The following YARS1 variants were observed in gnomAD, a reference collection of about 807,000 sequenced individuals.
YARS1 encodes tyrosyl-tRNA synthetase 1, also known as tyrosine--tRNA ligase, cytoplasmic.
Under a neutral mutation model 62.2 loss-of-function variants are expected in YARS1, and 36 were observed. That is an observed-to-expected ratio of 0.58 (90% CI 0.44 to 0.76). The LOEUF is 0.76. YARS1 is among the 30% of genes least tolerant of loss of function. YARS1 has a pLI of 0.00. For missense variants in YARS1, 524 were observed against 639.8 expected, an observed-to-expected ratio of 0.82 and a Z score of 1.95; for synonymous variants, 234 against 244.9, an observed-to-expected ratio of 0.96 and a Z score of 0.42.
At chr1:32,808,829 C>T (rs1237134213) in intron 3 of YARS1, among the ~76,000 whole-genome samples, 2 of 152,194 alleles carry the variant, frequency 1.3e-5, no homozygotes, top group African/African-American at 2.4e-5. Context: ...TGCTTTGTTT[C>T]AGCTATCGCC....
intron 5 of YARS1, among the ~76,000 whole-genome samples, chr1:32,797,228 C>T (rs1160614568): frequency 2.0e-5 from 3 of 149,854 alleles, no homozygotes; most frequent in South Asian, 2.1e-4. Context: ...TAAAACTACC[C>T]GGGTGTTGTG....
intron 8 of YARS1, among the ~76,000 whole-genome samples, chr1:32,784,761 C>T (rs1653166820): frequency 6.6e-6 from 1 of 152,036 alleles, no homozygotes; most frequent in Non-Finnish European, 1.5e-5. Context: ...TTAAAAAACA[C>T]ATATAGATAT....
intron 3 of YARS1, 143 bp from the exon 4 acceptor site, chr1:32,806,754 T>C (rs1638475518): frequency 8.9e-7 from 1 of 1,117,394 alleles, no homozygotes; most frequent in African/African-American, 1.6e-5. Flanking sequence ...AATCACCAAC[T>C]TTCTTCTTCT....
rs1245224863 is a variant in YARS1 at position 32,782,547 on chromosome 1, A to T, written c.907-8T>A. The T allele has an allele frequency of 6.2e-7, 1 of 1,614,140 alleles. No individual in the cohort carries two copies. The highest frequency in any genetic ancestry group is 8.5e-7 in the Non-Finnish European group (1 of 1,180,026). Reference sequence around the variant, plus strand: ...GTCTCCAGGATGTACAACCTGCAGAATCGAACAAGACCTAGTGAGATAAAG... The same window carrying T: ...GTCTCCAGGATGTACAACCTGCAGATTCGAACAAGACCTAGTGAGATAAAG... On this transcript the variant is annotated splice_polypyrimidine_tract_variant and splice_region_variant and intron_variant, in intron 8 of 12. Coordinates refer to ENST00000373477, the MANE Select transcript of YARS1 (RefSeq NM_003680.4).
intron 4 of YARS1, among the ~76,000 whole-genome samples, chr1:32,799,575 G>C (rs1276401811): frequency 2.0e-5 from 3 of 152,190 alleles, no homozygotes; most frequent in Non-Finnish European, 2.9e-5. Context: ...CTGAAGGGAA[G>C]AGGAAGAGAA....
chr1:32,803,499 G>C (rs184863793), intron 4 of YARS1, among the ~76,000 whole-genome samples: 1 of 152,246 alleles, frequency 6.6e-6, no homozygotes, highest in African/African-American at 2.4e-5. Flanking sequence ...TCAACTTCAA[G>C]TCACCAGCTG....
chr1:32,781,577 T>C, intron 9 of YARS1: 1 of 177,142 alleles, frequency 5.6e-6, no homozygotes, highest in Non-Finnish European at 1.2e-5. Context: ...AAAAAAAATT[T>C]TACTGAGTTA....
chr1:32,810,802 T>G (rs1233354774), intron 2 of YARS1, 36 bp from the exon 3 acceptor site: 1 of 1,613,988 alleles, frequency 6.2e-7, no homozygotes, highest in African/African-American at 1.3e-5. Flanking sequence ...AAATGTGAAT[T>G]TGTCCAATTA....
chr1:32,799,998 T>C (rs1256236000), intron 4 of YARS1, among the ~76,000 whole-genome samples: 2 of 152,018 alleles, frequency 1.3e-5, no homozygotes, highest in African/African-American at 4.8e-5. Flanking sequence ...TTTCTTTTTT[T>C]AAGATAGGGT....
intron 11 of YARS1, 143 bp from the exon 12 acceptor site, chr1:32,779,666 A>G: frequency 9.9e-7 from 1 of 1,008,774 alleles, no homozygotes; most frequent in Non-Finnish European, 1.5e-6. Flanking sequence ...AGGTCCTCTT[A>G]TCTTGCTACA....
At chr1:32,797,941 G>A in intron 4 of YARS1, 98 bp from the exon 5 acceptor site, 3 of 989,464 alleles carry the variant, frequency 3.0e-6, no homozygotes, top group Non-Finnish European at 4.7e-6. Flanking sequence ...CGTGATCTCG[G>A]CTCACTGCCA....
At chr1:32,803,357 C>T (rs146094260) in intron 4 of YARS1, among the ~76,000 whole-genome samples, 1 of 150,330 alleles carries the variant, frequency 6.7e-6, no homozygotes, top group East Asian at 2.0e-4. Context: ...GTCTCGAACT[C>T]CTGGCCTCAA....
At chr1:32,805,014 C>T (rs941801207) in intron 4 of YARS1, among the ~76,000 whole-genome samples, 3 of 152,134 alleles carry the variant, frequency 2.0e-5, no homozygotes, top group South Asian at 4.1e-4. Flanking sequence ...GTAGATCACT[C>T]GCGGTCAGGA....
rs879254282 is a variant in YARS1, at chr1:32,776,025, C to T, written c.1543G>A (p.Gly515Ser). 1.9e-6 allele frequency: 3 copies of T among 1,613,982 alleles called. No homozygotes were observed. Among genetic ancestry groups the T allele is most frequent in the Non-Finnish European group, 2.5e-6 (3 of 1,180,036 alleles). ...WKQTNFMTKL[G>S]SISCKSLKGG... ...TTCAGCGATTTACAGGAAATGGAGC[C>T]CAGCTTGGTCATGAAGTTGGTTTGC... is the stretch of plus-strand genomic sequence containing the variant. The change falls in exon 13 of 13, where the codon GGC (glycine) becomes AGC (serine). Residue 515 changes from glycine (G) to serine (S), a missense_variant. Gly to Ser is a moderately conservative substitution (Grantham distance 56, BLOSUM62 0). Coordinates refer to ENST00000373477, the MANE Select transcript of YARS1 (RefSeq NM_003680.4). The surrounding 1 kb of genome is among the most constrained non-coding windows in gnomAD (Gnocchi z 4.0).
intron 3 of YARS1, among the ~76,000 whole-genome samples, chr1:32,807,741 A>AG (rs1208097471): frequency 6.6e-6 from 1 of 152,164 alleles, no homozygotes; most frequent in Non-Finnish European, 1.5e-5. Context: ...AACAAGCCAC[A>AG]GTAGCGGGCT....
In YARS1 at chr1:32,786,433, G is replaced by A. The variant is rs767579114; in HGVS notation, c.835C>T (p.Arg279Ter). 4.3e-6 allele frequency: 7 copies of A among 1,613,632 alleles called. No individual in the cohort carries two copies. The highest frequency in any genetic ancestry group is 5.1e-6 in the Non-Finnish European group (6 of 1,179,894). ...FPLKSEFVIL[R>*]DEKWGGNKTY... is the part of the protein sequence containing the mutation. ...TTGTTTCCACCCCATTTCTCATCTCGTAGGATCACAAACTCTATAAGGAAA... is the reference window on the plus strand; with the variant it reads ...TTGTTTCCACCCCATTTCTCATCTCATAGGATCACAAACTCTATAAGGAAA... The change falls in exon 8 of 13, where the codon CGA (arginine) becomes TGA (stop). Residue 279 changes from arginine to a stop codon, truncating the protein, a stop_gained. Coordinates refer to ENST00000373477, the MANE Select transcript of YARS1 (RefSeq NM_003680.4). LOFTEE classifies it high-confidence loss of function.
At chr1:32,779,907 T>C in intron 11 of YARS1, 178 bp downstream of exon 11, 1 of 717,264 alleles carries the variant, frequency 1.4e-6, no homozygotes, top group Non-Finnish European at 2.4e-6. Flanking sequence ...GTAGGTAAAA[T>C]GCTTCATTAA....
At chr1:32,797,539 G>C in intron 5 of YARS1, 2 of 577,404 alleles carry the variant, frequency 3.5e-6, no homozygotes, top group Non-Finnish European at 3.1e-6. Context: ...CAGGCACATG[G>C]GCTCTGGAGT....
chr1:32,775,523 TC>T lies in YARS1; in HGVS notation c.*457del, dbSNP rs1652824465. On this transcript the variant is annotated 3_prime_UTR_variant, in exon 13 of 13. Transcript: ENST00000373477. ...TGGTAGACCACTAGGTTCTCTGTTT[TC>T]CCTTCCCTTTCCTTTTCAAATCCCA... 1 of 177,132 alleles carries T rather than the reference TC, an allele frequency of 5.6e-6. No homozygotes were observed. Among genetic ancestry groups the T allele is most frequent in the Non-Finnish European group, 1.2e-5 (1 of 82,078 alleles). 11.0% of individuals were successfully genotyped at this position (177,132 alleles called of 1,614,324 possible). A position where few individuals can be genotyped will look rare whatever the true frequency, so the allele number is the denominator to read the frequency against.
Sources: gnomAD v4.1 joint callset for allele counts (sites outside exome capture counted in the v4.1 genomes callset) on GRCh38, gnomAD v4.1.1 for gene constraint, Gnocchi (gnomAD v3.1) non-coding constraint, MANE v1.5 for transcripts, NCBI Gene and HGNC (gene_info 2026-07-23, HGNC 2026-07-21) for gene names.